The following NOL4L variants were observed in gnomAD, a reference collection of about 807,000 sequenced individuals.
NOL4L encodes nucleolar protein 4-like.
A neutral mutation model predicts 64.5 loss-of-function variants in NOL4L; 7 were observed. The ratio of observed to expected loss-of-function variants is 0.11; its 90% CI spans 0.06 to 0.20. The LOEUF (loss-of-function observed/expected upper bound fraction) is 0.20, where lower values mean the gene tolerates loss of function less well. Among genes scored for constraint, NOL4L ranks in the 10% least tolerant of loss-of-function variants. The probability of loss-of-function intolerance (pLI) is 1.00; values close to 1 mark genes in which losing one functional copy is unlikely to be tolerated. For missense variants in NOL4L, 680 were observed against 967.1 expected (o/e 0.70, Z 3.94); for synonymous variants, 413 against 401.0 (o/e 1.03, Z -0.36).
At chr20:32,551,547 G>T (rs2018802918) in intron 1 of NOL4L, among the ~76,000 whole-genome samples, 1 of 152,038 alleles carries the variant, frequency 6.6e-6, no homozygotes, top group Admixed American at 6.6e-5. Context: ...GTAAGTAAAA[G>T]AAATCCATTA....
In NOL4L at chr20:32,447,541, T is replaced by A; in HGVS notation, c.*55A>T. 1 of 1,526,182 alleles carries A rather than the reference T, an allele frequency of 6.6e-7. No individual in the cohort carries two copies. The highest frequency in any genetic ancestry group is 8.7e-7 in the Non-Finnish European group (1 of 1,145,390). 94.5% of individuals were successfully genotyped at this position (1,526,182 alleles called of 1,614,324 possible). Reference sequence around the variant, plus strand: ...CCAACTGGTGAGGCAGGAAGCCAGGTCCAGGCTGGGACAGCCTCCTTCCCT... The same window carrying A: ...CCAACTGGTGAGGCAGGAAGCCAGGACCAGGCTGGGACAGCCTCCTTCCCT... On this transcript the variant is annotated 3_prime_UTR_variant, in exon 11 of 11. Coordinates refer to ENST00000621426, the MANE Select transcript of NOL4L (RefSeq NM_001256798.2).
At chr20:32,476,198 G>GAAACACACACACAC (rs1555793810) in intron 4 of NOL4L, among the ~76,000 whole-genome samples, 3 of 140,978 alleles carry the variant, frequency 2.1e-5, no homozygotes, top group African/African-American at 8.0e-5. Flanking sequence ...CACCCGGAGG[G>GAAACACACACACAC]ACACACACAC....
rs6119859 is a variant in NOL4L at position 32,452,871 on chromosome 20, C to T, written c.1620+13G>A. 2.5e-5 allele frequency: 41 copies of T among 1,612,186 alleles called. No homozygotes were observed. Among genetic ancestry groups the T allele is most frequent in the African/African-American group, 1.6e-4 (12 of 74,926 alleles). ...CCAGGAGCGGCCCCTGTAGTGGCTG[C>T]GGTGGCAGGTACCTGTGAGGACTGG... On this transcript the variant is annotated intron_variant, in intron 9 of 10. Coordinates refer to ENST00000621426, the MANE Select transcript of NOL4L (RefSeq NM_001256798.2).
chr20:32,491,945 G>A (rs293546), intron 4 of NOL4L, among the ~76,000 whole-genome samples: 13,783 of 152,054 alleles, frequency 0.091, 932 homozygotes, highest in African/African-American at 0.19. Context: ...GCAAGACCCT[G>A]TCTCTGCAAA....
intron 4 of NOL4L, 47 bp downstream of exon 4, chr20:32,511,300 C>T (rs2017393008): frequency 1.6e-6 from 2 of 1,233,514 alleles, no homozygotes; most frequent in Non-Finnish European, 2.3e-6. Flanking sequence ...CACCGCCAGG[C>T]AAGTCAGGAC....
At chr20:32,465,112 G>A (rs2014431946) in intron 5 of NOL4L, 3 of 541,056 alleles carry the variant, frequency 5.5e-6, no homozygotes, top group Admixed American at 3.7e-5. Context: ...CTCAAGCGGT[G>A]GGGCCCTGGA....
At chr20:32,536,078 G>A (rs776774686) in intron 1 of NOL4L, 1 of 985,522 alleles carries the variant, frequency 1.0e-6, no homozygotes, top group Non-Finnish European at 1.2e-6. Flanking sequence ...AGACACCATA[G>A]GCATAATGGC....
At chr20:32,528,008 G>GC in intron 1 of NOL4L, 95 bp from the exon 2 acceptor site, 1 of 845,580 alleles carries the variant, frequency 1.2e-6, no homozygotes, top group Non-Finnish European at 1.7e-6. Flanking sequence ...GACGGGCAAT[G>GC]CCTCCGACAG....
intron 6 of NOL4L, among the ~76,000 whole-genome samples, chr20:32,454,521 T>C (rs1345390038): frequency 6.6e-6 from 1 of 152,140 alleles, no homozygotes; most frequent in Non-Finnish European, 1.5e-5. Context: ...CCCTCAACCA[T>C]CTCTCCTTAG....
intron 4 of NOL4L, among the ~76,000 whole-genome samples, chr20:32,508,370 A>G (rs2017223043): frequency 6.6e-6 from 1 of 152,226 alleles, no homozygotes; most frequent in African/African-American, 2.4e-5. Flanking sequence ...CCCTTCCTTG[A>G]TGCTGCAGAT....
At chr20:32,473,311 TCA>T (rs2015150652) in intron 5 of NOL4L, among the ~76,000 whole-genome samples, 1 of 151,670 alleles carries the variant, frequency 6.6e-6, no homozygotes, top group Admixed American at 6.6e-5. Flanking sequence ...AGGCGGGAGG[TCA>T]GCTGCTGCGC....
At chr20:32,458,558 G>A (rs1480861828) in intron 5 of NOL4L, among the ~76,000 whole-genome samples, 1 of 152,226 alleles carries the variant, frequency 6.6e-6, no homozygotes, top group Non-Finnish European at 1.5e-5. Context: ...GGACAGGGAT[G>A]ACACCCATAC....
At chr20:32,456,519 C>A (rs564421235) in intron 5 of NOL4L, 124 bp from the exon 6 acceptor site, 3 of 1,019,006 alleles carry the variant, frequency 2.9e-6, no homozygotes, top group Admixed American at 4.2e-5. Flanking sequence ...TGCTGCTACC[C>A]CACCTCAGAG....
At chr20:32,574,790 C>CGGAT (rs1979987363) in intron 1 of NOL4L, among the ~76,000 whole-genome samples, 1 of 151,970 alleles carries the variant, frequency 6.6e-6, no homozygotes, top group South Asian at 2.1e-4. Flanking sequence ...GCCTAAGTCA[C>CGGAT]GGGGTCCCCT....
chr20:32,488,835 CT>C (rs1413571468), intron 4 of NOL4L, among the ~76,000 whole-genome samples: 1 of 54,002 alleles, frequency 1.9e-5, no homozygotes, highest in African/African-American at 1.4e-4. Context: ...CTTTTTCTTT[CT>C]TTCTTTCTTT....
chr20:32,568,761 T>C (rs149344956), intron 1 of NOL4L, among the ~76,000 whole-genome samples: 1,712 of 152,284 alleles, frequency 0.011, 39 homozygotes, highest in African/African-American at 0.039. Context: ...AGGCCCATGA[T>C]GACCCAGCCC....
At chr20:32,465,053 T>A in intron 5 of NOL4L, 3 of 625,720 alleles carry the variant, frequency 4.8e-6, no homozygotes, top group Non-Finnish European at 8.7e-6. Context: ...TCCTGGCCCG[T>A]AGAGAGGTGT....
intron 2 of NOL4L, among the ~76,000 whole-genome samples, chr20:32,522,701 C>T (rs941366865): frequency 6.6e-6 from 1 of 152,204 alleles, no homozygotes; most frequent in African/African-American, 2.4e-5. Flanking sequence ...TGAAGGGTGG[C>T]AGCTGCAGGA....
intron 3 of NOL4L, among the ~76,000 whole-genome samples, chr20:32,514,851 G>A (rs2017579104): frequency 1.3e-5 from 2 of 152,104 alleles, no homozygotes; most frequent in South Asian, 4.1e-4. Context: ...TCTAAGAGGA[G>A]GCTGTCTGGT....
Sources: gnomAD v4.1 joint callset for allele counts (sites outside exome capture counted in the v4.1 genomes callset) on GRCh38, gnomAD v4.1.1 for gene constraint, MANE v1.5 for transcripts, NCBI Gene and HGNC (gene_info 2026-07-23, HGNC 2026-07-21) for gene names.